The following NTM variants were observed in gnomAD, a reference collection of about 807,000 sequenced individuals.
The protein encoded by NTM is IgLON family member 2.
Under a neutral mutation model 42.1 loss-of-function variants are expected in NTM, and 13 were observed. The observed-to-expected ratio is 0.31, with a 90% CI of 0.20 to 0.49. NTM has a LOEUF of 0.49. Ranked by LOEUF, NTM falls within the 20% of genes least tolerant of loss-of-function variation. NTM has a pLI of 0.99. For missense variants in NTM, 373 were observed against 452.8 expected, an observed-to-expected ratio of 0.82 and a Z score of 1.60; for synonymous variants, 187 against 179.2, an observed-to-expected ratio of 1.04 and a Z score of -0.35.
At chr11:131,961,223 T>A (rs752504976) in intron 2 of NTM, among the ~76,000 whole-genome samples, 1 of 152,172 alleles carries the variant, frequency 6.6e-6, no homozygotes, top group Non-Finnish European at 1.5e-5. Flanking sequence ...GTTCCCTCCA[T>A]TTATTTTGTC....
At chr11:131,484,537 G>A (rs1045357922) in intron 1 of NTM, among the ~76,000 whole-genome samples, 1 of 152,106 alleles carries the variant, frequency 6.6e-6, no homozygotes, top group East Asian at 1.9e-4. Context: ...CTGAGGCAAG[G>A]GGCAGAGGTG....
intron 2 of NTM, among the ~76,000 whole-genome samples, chr11:132,033,082 T>A (rs1367668225): frequency 4.6e-5 from 7 of 152,192 alleles, no homozygotes; most frequent in Non-Finnish European, 2.9e-5. Flanking sequence ...CCTCTGGGAT[T>A]CATAGTAATG....
chr11:131,779,113 A>C (rs908496380), intron 1 of NTM, among the ~76,000 whole-genome samples: 1 of 152,200 alleles, frequency 6.6e-6, no homozygotes, highest in African/African-American at 2.4e-5. Flanking sequence ...AGGAACTGGG[A>C]GTGGCCCCAG....
chr11:132,199,239 T>C (rs2080786142), intron 3 of NTM, among the ~76,000 whole-genome samples: 1 of 152,186 alleles, frequency 6.6e-6, no homozygotes. Flanking sequence ...GGTAGGGATG[T>C]TTGGTGACTG....
Position 132,003,860 on chromosome 11 carries a change from G to C in NTM, c.167+92212G>C, listed in dbSNP as rs529147557. Among the ~76,000 whole-genome samples, 9 of 152,298 alleles carry C rather than the reference G, an allele frequency of 5.9e-5. No homozygotes were observed. The South Asian group carries it at 1.9e-3, about 32-fold the overall frequency. On this transcript the variant is annotated intron_variant, in intron 2 of 8. Coordinates refer to ENST00000683400, the MANE Select transcript of NTM (RefSeq NM_001352005.2). This position sits in a 1 kb window ranked among gnomAD's most constrained non-coding sequence, Gnocchi z 6.0. ...AATTGATTTCTCACCTAGCCACACA[G>C]ATTATCTAAAAGGTCAAGATTCTCA... is the stretch of plus-strand genomic sequence containing the variant.
At chr11:132,053,457 C>T (rs1246399215) in intron 2 of NTM, among the ~76,000 whole-genome samples, 1 of 152,148 alleles carries the variant, frequency 6.6e-6, no homozygotes, top group Non-Finnish European at 1.5e-5. Context: ...AGCATCTAGT[C>T]ACCAAACAAA....
At chr11:132,049,756 G>A (rs1425394861) in intron 2 of NTM, among the ~76,000 whole-genome samples, 1 of 152,112 alleles carries the variant, frequency 6.6e-6, no homozygotes, top group Non-Finnish European at 1.5e-5. Context: ...CCTGATGGGG[G>A]AAAAGACAAA....
intron 2 of NTM, among the ~76,000 whole-genome samples, chr11:131,944,398 C>T (rs998976788): frequency 6.6e-6 from 1 of 152,186 alleles, no homozygotes; most frequent in Middle Eastern, 3.2e-3. Flanking sequence ...GGGGCTCAGG[C>T]AGGTCACTGC....
intron 1 of NTM, among the ~76,000 whole-genome samples, chr11:131,398,161 C>G (rs1262637632): frequency 6.6e-6 from 1 of 152,130 alleles, no homozygotes; most frequent in African/African-American, 2.4e-5. Context: ...CATAATGTAG[C>G]ACTGCATATG....
At chr11:131,858,763 T>A (rs1034510487) in intron 1 of NTM, among the ~76,000 whole-genome samples, 1 of 152,112 alleles carries the variant, frequency 6.6e-6, no homozygotes, top group Non-Finnish European at 1.5e-5. Context: ...AACGAGGGAG[T>A]GAAAGACTAG....
At chr11:131,523,612 A>T (rs2050043372) in intron 1 of NTM, among the ~76,000 whole-genome samples, 1 of 151,884 alleles carries the variant, frequency 6.6e-6, no homozygotes, top group South Asian at 2.1e-4. Context: ...AACATGGTGA[A>T]AACCCCATCT....
intron 2 of NTM, among the ~76,000 whole-genome samples, chr11:132,141,237 G>GTC (rs139441309): frequency 1.3e-4 from 19 of 144,806 alleles, no homozygotes; most frequent in African/African-American, 2.6e-4. Context: ...CTCTCTTTCT[G>GTC]TCTCTCTCTC....
chr11:132,333,512 C>T (rs2095838855), intron 8 of NTM, among the ~76,000 whole-genome samples: 1 of 152,204 alleles, frequency 6.6e-6, no homozygotes, highest in Non-Finnish European at 1.5e-5. Context: ...AGTGACCGAT[C>T]CTAAATGACA....
At chr11:131,669,848 C>T (rs1444890210) in intron 1 of NTM, among the ~76,000 whole-genome samples, 4 of 152,150 alleles carry the variant, frequency 2.6e-5, no homozygotes, top group South Asian at 4.2e-4. Flanking sequence ...TGTGACTTCA[C>T]GGCTTAGAAG....
At chr11:132,299,621 G>T (rs2094765160) in intron 4 of NTM, among the ~76,000 whole-genome samples, 1 of 152,194 alleles carries the variant, frequency 6.6e-6, no homozygotes, top group South Asian at 2.1e-4. Context: ...GCCAGCATGG[G>T]CCTATTTAAG....
At chr11:131,544,865 C>T (rs1023307987) in intron 1 of NTM, among the ~76,000 whole-genome samples, 25 of 152,172 alleles carry the variant, frequency 1.6e-4, no homozygotes, top group African/African-American at 5.3e-4. Flanking sequence ...AACTTGATAG[C>T]AGTGGGTGGA....
At chr11:132,182,912 G>A (rs959749051) in intron 3 of NTM, among the ~76,000 whole-genome samples, 2 of 152,118 alleles carry the variant, frequency 1.3e-5, no homozygotes, top group African/African-American at 4.8e-5. Context: ...TTTCACATAT[G>A]CTTTCTGCTT....
At chr11:132,224,841 G>A (rs2085877314) in intron 4 of NTM, among the ~76,000 whole-genome samples, 1 of 152,336 alleles carries the variant, frequency 6.6e-6, no homozygotes, top group Admixed American at 6.5e-5. Context: ...GAGGGTGGAG[G>A]ACAGGCTGGG....
intron 4 of NTM, among the ~76,000 whole-genome samples, chr11:132,238,059 G>A (rs1022219427): frequency 1.4e-4 from 22 of 152,306 alleles, no homozygotes; most frequent in Non-Finnish European, 2.5e-4. Flanking sequence ...GGATCTTGGT[G>A]TGCATTGTTT....
Sources: allele counts gnomAD v4.1 joint callset (sites outside exome capture counted in the v4.1 genomes callset), GRCh38; gene constraint gnomAD v4.1.1; non-coding constraint Gnocchi (gnomAD v3.1); transcripts MANE v1.5; gene names NCBI Gene and HGNC (gene_info 2026-07-23, HGNC 2026-07-21).